Variants in PDE4D observed in about 807,000 individuals in gnomAD.
PDE4D encodes the protein phosphodiesterase 4D.
Under a neutral mutation model 87.4 loss-of-function variants are expected in PDE4D, and 24 were observed. That is an observed-to-expected ratio of 0.27 (90% CI 0.20 to 0.39). The LOEUF is 0.39. Among genes scored for constraint, PDE4D ranks in the 10% least tolerant of loss-of-function variants. The probability of loss-of-function intolerance (pLI) is 1.00; values close to 1 mark genes in which losing one functional copy is unlikely to be tolerated. For missense variants in PDE4D, 714 were observed against 1,041.0 expected (o/e 0.69, Z 4.32); for synonymous variants, 384 against 383.2 (o/e 1.00, Z -0.02).
At chr5:59,154,734 A>G (rs1779919757) in intron 5 of PDE4D, among the ~76,000 whole-genome samples, 1 of 152,182 alleles carries the variant, frequency 6.6e-6, no homozygotes, top group Non-Finnish European at 1.5e-5. Flanking sequence ...AAAAATACAA[A>G]AATTAGCTGG....
intron 3 of PDE4D, among the ~76,000 whole-genome samples, chr5:59,973,849 A>T (rs1015931279): frequency 6.6e-6 from 1 of 152,090 alleles, no homozygotes; most frequent in Non-Finnish European, 1.5e-5. Context: ...ACAAACAAAC[A>T]AAAAAATGAC....
At chr5:59,643,412 G>A (rs1318851637) in intron 1 of PDE4D, among the ~76,000 whole-genome samples, 1 of 152,174 alleles carries the variant, frequency 6.6e-6, no homozygotes, top group Admixed American at 6.5e-5. Flanking sequence ...AAATTTCTGG[G>A]AAAAAGCTGG....
chr5:59,228,639 C>A (rs1463183417), intron 1 of PDE4D, among the ~76,000 whole-genome samples: 2 of 152,110 alleles, frequency 1.3e-5, no homozygotes, highest in Admixed American at 1.3e-4. Context: ...GCAGACAGAG[C>A]GATCCTCCTA....
At chr5:59,874,285 C>T (rs1322623376) in intron 1 of PDE4D, among the ~76,000 whole-genome samples, 2 of 152,206 alleles carry the variant, frequency 1.3e-5, no homozygotes, top group Non-Finnish European at 2.9e-5. Context: ...TACTTCTCAA[C>T]ATCTCCATGG....
intron 1 of PDE4D, among the ~76,000 whole-genome samples, chr5:59,637,761 G>A (rs1347815855): frequency 6.6e-6 from 1 of 152,072 alleles, no homozygotes; most frequent in Non-Finnish European, 1.5e-5. Context: ...GGGGGTTGGG[G>A]GCAAGGGAAG....
chr5:59,667,310 T>A (rs1746239521), intron 1 of PDE4D, among the ~76,000 whole-genome samples: 1 of 152,080 alleles, frequency 6.6e-6, no homozygotes, highest in Non-Finnish European at 1.5e-5. Flanking sequence ...TGCATTGCAT[T>A]GCATTGCATT....
At chr5:59,264,577 T>C (rs966518242) in intron 1 of PDE4D, among the ~76,000 whole-genome samples, 51 of 151,972 alleles carry the variant, frequency 3.4e-4, no homozygotes, top group African/African-American at 1.2e-3. Flanking sequence ...AGAAAAGTAA[T>C]TGGGCTATCT....
At chr5:59,596,745 T>C (rs2153705028) in intron 1 of PDE4D, among the ~76,000 whole-genome samples, 1 of 152,260 alleles carries the variant, frequency 6.6e-6, no homozygotes, top group Middle Eastern at 3.4e-3. Context: ...GGAATAAGCA[T>C]GATAACTTGA....
intron 5 of PDE4D, among the ~76,000 whole-genome samples, chr5:59,149,710 T>TTTG (rs758818901): frequency 0.027 from 3,811 of 140,728 alleles, 130 homozygotes; most frequent in Middle Eastern, 0.054. Flanking sequence ...CCTCGAGTTT[T>TTTG]TTTTTTTTTT....
At chr5:59,801,357 T>C (rs1561683897) in intron 1 of PDE4D, among the ~76,000 whole-genome samples, 1 of 152,172 alleles carries the variant, frequency 6.6e-6, no homozygotes, top group Non-Finnish European at 1.5e-5. Context: ...AAAGAAAGGG[T>C]AAAATAAAAT....
intron 1 of PDE4D, among the ~76,000 whole-genome samples, chr5:59,495,765 T>C (rs759702640): frequency 1.3e-5 from 2 of 152,244 alleles, no homozygotes; most frequent in Non-Finnish European, 1.5e-5. Flanking sequence ...TTGCAAGGTG[T>C]GCAACTGGAG....
intron 2 of PDE4D, among the ~76,000 whole-genome samples, chr5:59,195,899 C>T (rs1056776054): frequency 3.3e-5 from 5 of 152,086 alleles, no homozygotes; most frequent in Non-Finnish European, 7.4e-5. Flanking sequence ...ACTGATACTT[C>T]GCTAAGAAGG....
At chr5:59,785,079 A>G (rs1765032813) in intron 1 of PDE4D, among the ~76,000 whole-genome samples, 1 of 152,192 alleles carries the variant, frequency 6.6e-6, no homozygotes, top group Admixed American at 6.5e-5. Flanking sequence ...AGAATGAACT[A>G]ATACAATGGG....
chr5:59,152,337 G>A (rs191713817), intron 5 of PDE4D, among the ~76,000 whole-genome samples: 16 of 133,956 alleles, frequency 1.2e-4, no homozygotes, highest in Admixed American at 3.8e-4. Flanking sequence ...GTGGAAGGAT[G>A]GAAAAGAAAT....
intron 5 of PDE4D, among the ~76,000 whole-genome samples, chr5:59,144,433 A>G (rs1778328944): frequency 6.6e-6 from 1 of 152,230 alleles, no homozygotes; most frequent in African/African-American, 2.4e-5. Context: ...TTCAGAGATG[A>G]CAAAATGAGA....
intron 6 of PDE4D, among the ~76,000 whole-genome samples, chr5:59,037,073 T>C (rs1254661450): frequency 6.6e-6 from 1 of 152,212 alleles, no homozygotes; most frequent in Non-Finnish European, 1.5e-5. Context: ...GCAATTATTA[T>C]GACCTAAAAA....
chr5:59,737,759 G>A (rs1382716655), intron 1 of PDE4D, among the ~76,000 whole-genome samples: 1 of 151,774 alleles, frequency 6.6e-6, no homozygotes, highest in African/African-American at 2.4e-5. Context: ...ATCATTAGCT[G>A]GATTTTTACC....
At chr5:59,270,326 G>C (rs1364339273) in intron 1 of PDE4D, among the ~76,000 whole-genome samples, 1 of 152,054 alleles carries the variant, frequency 6.6e-6, no homozygotes, top group Non-Finnish European at 1.5e-5. Flanking sequence ...GTATTTACAA[G>C]TTTCTAAGAT....
In PDE4D at chr5:59,893,188, G is replaced by A; in HGVS notation, c.435C>T (p.Ser145=). The A allele has an allele frequency of 1.3e-6, 2 of 1,565,106 alleles. No individual in the cohort carries two copies. The highest frequency in any genetic ancestry group is 1.7e-6 in the Non-Finnish European group (2 of 1,154,776). ...CTCACCGCCTGAGTCCCTGGAACGA[G>A]GAGGGCCAGGACATCCTGGATTTCT... is the stretch of plus-strand genomic sequence containing the variant. ...GLKKSRMSWP[S]SFQGLRRFDV... is the part of the protein sequence containing the mutation. Residue 145 remains serine, a synonymous_variant, in exon 1 of 15, where the codon TCC becomes TCT. Transcript: ENST00000340635.
Sources: gnomAD v4.1 joint callset for allele counts (sites outside exome capture counted in the v4.1 genomes callset) on GRCh38, gnomAD v4.1.1 for gene constraint, MANE v1.5 for transcripts, NCBI Gene and HGNC (gene_info 2026-07-23, HGNC 2026-07-21) for gene names.